The following TNS3 variants were observed in gnomAD, a reference collection of about 807,000 sequenced individuals.
The protein encoded by TNS3 is tensin-3.
A neutral mutation model predicts 140.9 loss-of-function variants in TNS3; 45 were observed. That is an observed-to-expected ratio of 0.32 (90% CI 0.25 to 0.41). TNS3 has a LOEUF of 0.41. TNS3 is among the 10% of genes least tolerant of loss of function. The pLI is 1.00. For synonymous variants in TNS3, 815 were observed against 788.4 expected (o/e 1.03, Z -0.56); for missense variants, 1,716 against 1,906.7 (o/e 0.90, Z 1.86).
At chr7:47,467,773 G>C (rs1796783619) in intron 4 of TNS3, among the ~76,000 whole-genome samples, 1 of 152,148 alleles carries the variant, frequency 6.6e-6, no homozygotes, top group African/African-American at 2.4e-5. Context: ...TAAGAAAACA[G>C]AAGGTTAGAA....
chr7:47,530,317 C>T (rs147162863), intron 1 of TNS3, among the ~76,000 whole-genome samples: 9 of 152,196 alleles, frequency 5.9e-5, no homozygotes, highest in Non-Finnish European at 5.9e-5. Flanking sequence ...CATCACAGTA[C>T]GAACCTCCCA....
intron 10 of TNS3, among the ~76,000 whole-genome samples, chr7:47,421,688 G>A (rs941227261): frequency 2.0e-5 from 3 of 152,138 alleles, no homozygotes; most frequent in African/African-American, 7.2e-5. Context: ...AGGCCACACT[G>A]GGGTGTCAAC....
intron 1 of TNS3, among the ~76,000 whole-genome samples, chr7:47,555,265 G>A (rs1800165694): frequency 6.6e-6 from 1 of 151,738 alleles, no homozygotes. Flanking sequence ...GCCGGGTGTG[G>A]TGGCAGGCGC....
chr7:47,537,880 A>G (rs1294591933), intron 1 of TNS3, among the ~76,000 whole-genome samples: 3 of 152,058 alleles, frequency 2.0e-5, no homozygotes, highest in Non-Finnish European at 4.4e-5. Flanking sequence ...TCAAGCAAAT[A>G]TCAAAGCACA....
chr7:47,326,052 A>G (rs778493039), intron 20 of TNS3, among the ~76,000 whole-genome samples: 6 of 152,218 alleles, frequency 3.9e-5, no homozygotes, highest in Non-Finnish European at 8.8e-5. Context: ...ACAGGTGCCA[A>G]TCTGAATGTC....
chr7:47,492,036 C>A (rs2960232), intron 3 of TNS3, among the ~76,000 whole-genome samples: 83,558 of 152,200 alleles, frequency 0.55, 25,502 homozygotes, highest in Non-Finnish European at 0.66. Context: ...TCATGTTTAA[C>A]ATACAAGTTA....
chr7:47,381,999 G>C (rs1010262487), intron 16 of TNS3, among the ~76,000 whole-genome samples: 1 of 152,188 alleles, frequency 6.6e-6, no homozygotes, highest in Non-Finnish European at 1.5e-5. Flanking sequence ...TCTCTCCTGA[G>C]CACCGGGGTC....
intron 4 of TNS3, among the ~76,000 whole-genome samples, chr7:47,456,050 T>C (rs1405346539): frequency 6.6e-6 from 1 of 152,126 alleles, no homozygotes; most frequent in Non-Finnish European, 1.5e-5. Context: ...GTGTCAGAAG[T>C]TTCTGCATAG....
At chr7:47,379,897 A>C (rs1053559724) in intron 16 of TNS3, among the ~76,000 whole-genome samples, 15 of 152,256 alleles carry the variant, frequency 9.9e-5, no homozygotes, top group Non-Finnish European at 1.6e-4. Flanking sequence ...CACGCTTTCT[A>C]AAAATGAGGC....
intron 2 of TNS3, among the ~76,000 whole-genome samples, chr7:47,528,803 C>T (rs1412058585): frequency 6.6e-6 from 1 of 152,244 alleles, no homozygotes; most frequent in Non-Finnish European, 1.5e-5. Flanking sequence ...TTGCTGCCTC[C>T]TCTCCCATCG....
At chr7:47,497,662 AACACAC>A (rs6150097) in intron 3 of TNS3, among the ~76,000 whole-genome samples, 1,407 of 91,216 alleles carry the variant, frequency 0.015, 12 homozygotes, top group Non-Finnish European at 0.024. Flanking sequence ...TCACGTATGG[AACACAC>A]ACACACACAC....
rs370582492 is a variant in TNS3, at chr7:47,368,374, C to T, written c.2272G>A (p.Gly758Arg). Residue 758 changes from glycine (G) to arginine (R), a missense_variant, in exon 17 of 31, where the codon GGG (glycine) becomes AGG (arginine). Physicochemically the swap from Gly to Arg is moderately radical, Grantham distance 125 (BLOSUM62 -2). This residue lies in a region of TNS3 where 1,163 missense variants were observed against 1,182.1 expected (regional missense o/e 0.98). Transcript: ENST00000311160. ...TGGAGACCCAGCTCACCTTGCCGCC[C>T]GGTGGCCCTGCTGGGGCCCTCTCCT... ...DTGEGPSRAT[G>R]RQGSSAEQPL... 1.2e-4 allele frequency: 174 copies of T among 1,487,180 alleles called. No individual in the cohort carries two copies. Among genetic ancestry groups the T allele is most frequent in the Non-Finnish European group, 1.4e-4 (160 of 1,118,302 alleles). 92.1% of individuals were successfully genotyped at this position (1,487,180 alleles called of 1,614,324 possible). A position where few individuals can be genotyped will look rare whatever the true frequency, so the allele number is the denominator to read the frequency against.
At chr7:47,501,627 C>T (rs1798230587) in intron 3 of TNS3, among the ~76,000 whole-genome samples, 1 of 152,152 alleles carries the variant, frequency 6.6e-6, no homozygotes, top group Admixed American at 6.5e-5. Flanking sequence ...AGCAAAGCAG[C>T]AGCTCCCACA....
chr7:47,323,376 C>G (rs1463904602), intron 20 of TNS3, among the ~76,000 whole-genome samples: 1 of 152,078 alleles, frequency 6.6e-6, no homozygotes, highest in Non-Finnish European at 1.5e-5. Flanking sequence ...TGCAGAAATA[C>G]CATTCAGGAA....
intron 4 of TNS3, among the ~76,000 whole-genome samples, chr7:47,457,032 C>T (rs551041026): frequency 3.7e-4 from 54 of 147,838 alleles, no homozygotes; most frequent in Middle Eastern, 3.5e-3. Flanking sequence ...GATAATCTCT[C>T]TTTATAAATG....
At chr7:47,559,223 G>A (rs750730010) in intron 1 of TNS3, among the ~76,000 whole-genome samples, 17 of 152,092 alleles carry the variant, frequency 1.1e-4, no homozygotes, top group South Asian at 4.2e-4. Context: ...GGTGACGCGC[G>A]CCTGTAGTCT....
intron 2 of TNS3, among the ~76,000 whole-genome samples, chr7:47,523,770 A>C (rs750795662): frequency 2.6e-5 from 4 of 152,252 alleles, no homozygotes; most frequent in Non-Finnish European, 5.9e-5. Context: ...AGCCTACCAC[A>C]TCCTCAGCTT....
At chr7:47,408,172 G>T (rs1254437857) in intron 13 of TNS3, among the ~76,000 whole-genome samples, 1 of 152,108 alleles carries the variant, frequency 6.6e-6, no homozygotes, top group African/African-American at 2.4e-5. Flanking sequence ...CACTCCCAAG[G>T]GCTGCAGGTG....
chr7:47,333,950 T>A (rs1463852709), intron 20 of TNS3, among the ~76,000 whole-genome samples: 6 of 152,190 alleles, frequency 3.9e-5, no homozygotes, highest in Non-Finnish European at 5.9e-5. Flanking sequence ...TTGCTTAGAT[T>A]TAAATGATGC....
Sources: gnomAD v4.1 joint callset for allele counts (sites outside exome capture counted in the v4.1 genomes callset) on GRCh38, gnomAD v4.1.1 for gene constraint, gnomAD v4.1.1 regional missense constraint, MANE v1.5 for transcripts, NCBI Gene and HGNC (gene_info 2026-07-23, HGNC 2026-07-21) for gene names.